The following SEMA4D variants were observed in gnomAD, a reference collection of about 807,000 sequenced individuals.
SEMA4D encodes the protein semaphorin 4D.
Under a neutral mutation model 74.8 loss-of-function variants are expected in SEMA4D, and 22 were observed. That is an observed-to-expected ratio of 0.29 (90% CI 0.21 to 0.42). The LOEUF is 0.42. Among genes scored for constraint, SEMA4D ranks in the 10% least tolerant of loss-of-function variants. The pLI, the probability that SEMA4D is intolerant of heterozygous loss-of-function variation, is 1.00. For synonymous variants in SEMA4D, 445 were observed against 463.7 expected (o/e 0.96, Z 0.52); for missense variants, 937 against 1,118.4 (o/e 0.84, Z 2.31).
Position 89,443,226 on chromosome 9 carries a change from C to T in SEMA4D, c.-244+12662G>A, listed in dbSNP as rs568440079. On this transcript the variant is annotated intron_variant, in intron 2 of 15. Coordinates refer to ENST00000422704, the MANE Select transcript of SEMA4D (RefSeq NM_001371194.2). ...TGACCACCCACACTACCCCCCTGGA[C>T]AGAGGCCGGGTCGCGAGGTGCTCTG... is the stretch of plus-strand genomic sequence containing the variant. 5.9e-5 allele frequency among the ~76,000 whole-genome samples: 9 copies of T among 152,292 alleles called. No individual in the cohort carries two copies. In the South Asian group the frequency reaches 1.0e-3, roughly 18 times the overall value.
At chr9:89,392,672 TCTCC>T in intron 7 of SEMA4D, 136 bp from the exon 8 acceptor site, 1 of 632,168 alleles carries the variant, frequency 1.6e-6, no homozygotes, top group South Asian at 1.9e-5. Context: ...GGAAAGACAG[TCTCC>T]TCAACTTTTG....
intron 1 of SEMA4D, among the ~76,000 whole-genome samples, chr9:89,456,537 G>A (rs1855974200): frequency 6.6e-6 from 1 of 152,180 alleles, no homozygotes; most frequent in African/African-American, 2.4e-5. Flanking sequence ...AGGAGAAGGA[G>A]GGCAAGGAAG....
chr9:89,385,234 G>C, intron 13 of SEMA4D: 1 of 981,180 alleles, frequency 1.0e-6, no homozygotes, highest in Non-Finnish European at 1.2e-6. Flanking sequence ...CCACCAGCCT[G>C]GGTCCCTAAG....
In SEMA4D at chr9:89,470,965, C is replaced by T. The variant is rs181554612; in HGVS notation, c.-309-15012G>A. On this transcript the variant is annotated intron_variant, in intron 1 of 15. Coordinates refer to ENST00000422704, the MANE Select transcript of SEMA4D (RefSeq NM_001371194.2). ...AATTTCTCTGTATTCTAACTGTGGTCGTGGTTACACCATCTGCACATGTCT... is the reference window on the plus strand; with the variant it reads ...AATTTCTCTGTATTCTAACTGTGGTTGTGGTTACACCATCTGCACATGTCT... Among the ~76,000 whole-genome samples, 6 of 152,192 alleles carry T rather than the reference C, an allele frequency of 3.9e-5. No homozygotes were observed. In the East Asian group the frequency reaches 7.7e-4, roughly 20 times the overall value.
chr9:89,410,209 A>C (rs1194664506), intron 2 of SEMA4D, among the ~76,000 whole-genome samples: 1 of 152,234 alleles, frequency 6.6e-6, no homozygotes, highest in Non-Finnish European at 1.5e-5. Context: ...CACCCAGCAC[A>C]TGGCACTGCC....
rs752289710 is a variant in SEMA4D, at chr9:89,379,463, G to A, written c.1830C>T (p.Leu610=). The A allele has an allele frequency of 1.2e-6, 2 of 1,614,066 alleles. No homozygotes were observed. Among genetic ancestry groups the A allele is most frequent in the African/African-American group, 1.3e-5 (1 of 74,918 alleles). Residue 610 remains leucine, a synonymous_variant, in exon 16 of 16, where the codon CTC becomes CTT. Transcript: ENST00000422704. ...KYGLMGRKNL[L]IFNLSEGDSG... The stretch of plus-strand genomic sequence containing the variant: ...TGTCTCCTTCTGACAAGTTGAAGAT[G>A]AGCAAGTTTTTTCTGCCCATAAGAC...
chr9:89,488,221 A>G (rs1825341617), intron 1 of SEMA4D, among the ~76,000 whole-genome samples: 1 of 152,172 alleles, frequency 6.6e-6, no homozygotes, highest in Non-Finnish European at 1.5e-5. Flanking sequence ...TCACTGGAGA[A>G]AGAAGAGGCT....
intron 1 of SEMA4D, among the ~76,000 whole-genome samples, chr9:89,466,952 C>T (rs1249206457): frequency 6.6e-6 from 1 of 152,230 alleles, no homozygotes; most frequent in African/African-American, 2.4e-5. Flanking sequence ...CCAAAAAGGG[C>T]CCTGTTACTC....
At chr9:89,481,126 C>A (rs1356125202) in intron 1 of SEMA4D, among the ~76,000 whole-genome samples, 1 of 152,240 alleles carries the variant, frequency 6.6e-6, no homozygotes, top group East Asian at 1.9e-4. Context: ...TAGATGGCAG[C>A]AGATTGAGTG....
At chr9:89,457,694 C>G (rs1856267080) in intron 1 of SEMA4D, among the ~76,000 whole-genome samples, 1 of 151,520 alleles carries the variant, frequency 6.6e-6, no homozygotes, top group Non-Finnish European at 1.5e-5. Context: ...TGCCACTGCA[C>G]TCCAGCCTGT....
chr9:89,446,375 A>G (rs1047235593), intron 2 of SEMA4D, among the ~76,000 whole-genome samples: 6 of 152,178 alleles, frequency 3.9e-5, no homozygotes, highest in Non-Finnish European at 8.8e-5. Flanking sequence ...AAGGGTTAGA[A>G]CCTGGTATTT....
intron 1 of SEMA4D, among the ~76,000 whole-genome samples, chr9:89,478,505 G>A (rs1862324489): frequency 2.0e-5 from 3 of 152,116 alleles, no homozygotes; most frequent in Admixed American, 2.0e-4. Flanking sequence ...TTCTGTTGTT[G>A]GAAACCACCC....
exon 19 of SEMA4D, chr9:89,361,971 C>A: frequency 3.8e-6 from 1 of 261,646 alleles, no homozygotes; most frequent in South Asian, 6.6e-5. Context: ...CATGCTAACC[C>A]TGTTGGCTAT....
chr9:89,423,383 G>T (rs544462138), intron 2 of SEMA4D, among the ~76,000 whole-genome samples: 1 of 151,988 alleles, frequency 6.6e-6, no homozygotes, highest in South Asian at 2.1e-4. Context: ...TACACACAGG[G>T]TTTCTCCATG....
chr9:89,426,869 G>A (rs925712077), intron 2 of SEMA4D, among the ~76,000 whole-genome samples: 13 of 152,180 alleles, frequency 8.5e-5, no homozygotes, highest in African/African-American at 2.9e-4. Context: ...CAGGTGACAA[G>A]CATCACAGAA....
chr9:89,496,391 C>A (rs141444879), intron 1 of SEMA4D, among the ~76,000 whole-genome samples: 192 of 152,272 alleles, frequency 1.3e-3, no homozygotes, highest in African/African-American at 4.5e-3. Flanking sequence ...CTACCAACTC[C>A]TAAGCGGCCC....
At chr9:89,467,526 G>T (rs1320492003) in intron 1 of SEMA4D, among the ~76,000 whole-genome samples, 2 of 147,174 alleles carry the variant, frequency 1.4e-5, no homozygotes, top group African/African-American at 5.0e-5. Flanking sequence ...ACCTGGGAGC[G>T]CATGATTTTT....
chr9:89,460,121 C>T (rs529356978), intron 1 of SEMA4D, among the ~76,000 whole-genome samples: 1 of 152,338 alleles, frequency 6.6e-6, no homozygotes, highest in African/African-American at 2.4e-5. Context: ...ATGCATCCCC[C>T]GCCTGCTCCC....
intron 1 of SEMA4D, among the ~76,000 whole-genome samples, chr9:89,457,234 C>T (rs1021556501): frequency 2.6e-5 from 4 of 151,968 alleles, no homozygotes; most frequent in African/African-American, 4.8e-5. Context: ...GGGAAACCAG[C>T]GCCTGACAGG....
Sources: allele counts gnomAD v4.1 joint callset (sites outside exome capture counted in the v4.1 genomes callset), GRCh38; gene constraint gnomAD v4.1.1; transcripts MANE v1.5; gene names NCBI Gene and HGNC (gene_info 2026-07-23, HGNC 2026-07-21).